DNER: variants seen among roughly 807,000 people sequenced by gnomAD.
DNER encodes the protein delta/notch like EGF repeat containing.
In DNER, 33 loss-of-function variants were observed where a neutral mutation model predicts 78.2. The observed-to-expected ratio is 0.42, with a 90% CI of 0.32 to 0.56. The LOEUF (loss-of-function observed/expected upper bound fraction) is 0.56. Among genes scored for constraint, DNER ranks in the 20% least tolerant of loss-of-function variants. The pLI is 0.11. For missense variants in DNER, 918 were observed against 975.3 expected, an observed-to-expected ratio of 0.94 and a Z score of 0.78; for synonymous variants, 417 against 384.8, an observed-to-expected ratio of 1.08 and a Z score of -0.98.
chr2:229,458,623 G>A (rs1187286268), intron 7 of DNER, among the ~76,000 whole-genome samples: 2 of 141,292 alleles, frequency 1.4e-5, no homozygotes, highest in Non-Finnish European at 3.0e-5. Context: ...AACACTTGCT[G>A]TATCTTTTAG....
intron 11 of DNER, among the ~76,000 whole-genome samples, chr2:229,382,469 T>C (rs1362832567): frequency 6.6e-6 from 1 of 152,036 alleles, no homozygotes; most frequent in Non-Finnish European, 1.5e-5. Context: ...CAAACTCCTC[T>C]GAGCTAAAGA....
At chr2:229,689,904 A>C (rs208791) in intron 1 of DNER, among the ~76,000 whole-genome samples, 1 of 152,096 alleles carries the variant, frequency 6.6e-6, no homozygotes, top group African/African-American at 2.4e-5. Flanking sequence ...CTCTAGCATA[A>C]CAACCTAGCA....
intron 8 of DNER, among the ~76,000 whole-genome samples, chr2:229,420,918 A>G (rs540293523): frequency 7.9e-5 from 12 of 152,196 alleles, no homozygotes; most frequent in South Asian, 4.1e-4. Context: ...ATTGCTGGGT[A>G]CTCAACCAAA....
intron 1 of DNER, among the ~76,000 whole-genome samples, chr2:229,632,258 G>A (rs1698444223): frequency 6.6e-6 from 1 of 152,146 alleles, no homozygotes; most frequent in African/African-American, 2.4e-5. Context: ...TAAGAAGCCT[G>A]CAAATTCAAA....
At chr2:229,674,063 C>T (rs933517536) in intron 1 of DNER, among the ~76,000 whole-genome samples, 1 of 152,212 alleles carries the variant, frequency 6.6e-6, no homozygotes, top group Non-Finnish European at 1.5e-5. Context: ...TATTGGTCTC[C>T]AGGTTCCAAG....
chr2:229,602,457 T>C lies in DNER; in HGVS notation c.277-10569A>G, dbSNP rs546657379. Among the ~76,000 whole-genome samples the C allele has an allele frequency of 2.6e-5, 4 of 152,296 alleles. No individual in the cohort carries two copies. In the East Asian group the frequency reaches 7.7e-4, roughly 29 times the overall value. Reference sequence around the variant, plus strand: ...AGGATGTTTGCTAATACCACTTCCATTGAGCACTGCACTAAAGGTCCTACA... The same window carrying C: ...AGGATGTTTGCTAATACCACTTCCACTGAGCACTGCACTAAAGGTCCTACA... On this transcript the variant is annotated intron_variant, in intron 1 of 12. Coordinates refer to ENST00000341772, the MANE Select transcript of DNER (RefSeq NM_139072.4).
intron 7 of DNER, among the ~76,000 whole-genome samples, chr2:229,472,459 T>G (rs1279839598): frequency 6.6e-6 from 1 of 152,138 alleles, no homozygotes; most frequent in African/African-American, 2.4e-5. Context: ...AAATTCCCAG[T>G]GGAAGGGAGA....
At chr2:229,609,184 C>T (rs1697999378) in intron 1 of DNER, among the ~76,000 whole-genome samples, 1 of 152,174 alleles carries the variant, frequency 6.6e-6, no homozygotes, top group Non-Finnish European at 1.5e-5. Flanking sequence ...GATCACGCCA[C>T]TGCACTCCAG....
intron 7 of DNER, among the ~76,000 whole-genome samples, chr2:229,460,595 T>G (rs1414521054): frequency 6.6e-6 from 1 of 152,080 alleles, no homozygotes; most frequent in Admixed American, 6.5e-5. Flanking sequence ...AAGAAACATC[T>G]GATGACATTA....
chr2:229,571,467 A>G (rs1194822318), intron 4 of DNER, among the ~76,000 whole-genome samples: 1 of 151,842 alleles, frequency 6.6e-6, no homozygotes. Flanking sequence ...ACATAGCTCA[A>G]CACTCGCGTT....
chr2:229,371,237 A>G (rs2106328180), intron 11 of DNER, among the ~76,000 whole-genome samples: 1 of 152,356 alleles, frequency 6.6e-6, no homozygotes, highest in South Asian at 2.1e-4. Flanking sequence ...TCTGAGAGAC[A>G]GCAAATTTAT....
chr2:229,438,001 G>A (rs932650054), intron 8 of DNER, among the ~76,000 whole-genome samples: 1 of 152,222 alleles, frequency 6.6e-6, no homozygotes, highest in South Asian at 2.1e-4. Flanking sequence ...TTTCTCATTT[G>A]AGTCACAGGA....
intron 1 of DNER, among the ~76,000 whole-genome samples, chr2:229,652,912 G>A (rs896545705): frequency 1.3e-5 from 2 of 152,168 alleles, no homozygotes; most frequent in African/African-American, 2.4e-5. Context: ...ATGGAGAGGC[G>A]GCGGCATGGG....
At chr2:229,491,487 T>C (rs1695398163) in intron 6 of DNER, among the ~76,000 whole-genome samples, 1 of 152,216 alleles carries the variant, frequency 6.6e-6, no homozygotes, top group Non-Finnish European at 1.5e-5. Context: ...ACAGGAATTT[T>C]AGGGAAACGC....
intron 7 of DNER, among the ~76,000 whole-genome samples, chr2:229,468,047 G>GGGA (rs1694840964): frequency 6.6e-6 from 1 of 152,210 alleles, no homozygotes; most frequent in African/African-American, 2.4e-5. Flanking sequence ...CAGTCCAGAG[G>GGGA]TACCCAGGAA....
intron 1 of DNER, among the ~76,000 whole-genome samples, chr2:229,697,748 C>T (rs912592560): frequency 6.6e-6 from 1 of 152,170 alleles, no homozygotes; most frequent in African/African-American, 2.4e-5. Flanking sequence ...TAGGAGTTTA[C>T]ACCAGGAGAC....
Position 229,499,169 on chromosome 2 carries a change from G to C in DNER, c.1147+13614C>G, listed in dbSNP as rs538327819. On this transcript the variant is annotated intron_variant, in intron 6 of 12. Coordinates refer to ENST00000341772, the MANE Select transcript of DNER (RefSeq NM_139072.4). Reference sequence around the variant, plus strand: ...GAACATAAAATGGGGAACAGGGCCAGGTGCAGTGGCTCACACCTGTAATCC... The same window carrying C: ...GAACATAAAATGGGGAACAGGGCCACGTGCAGTGGCTCACACCTGTAATCC... Among the ~76,000 whole-genome samples, 3 of 152,202 alleles carry C rather than the reference G, an allele frequency of 2.0e-5. No individual in the cohort carries two copies. In the South Asian group the frequency reaches 6.2e-4, roughly 32 times the overall value.
chr2:229,702,916 C>CAAAAA (rs775005338), intron 1 of DNER, among the ~76,000 whole-genome samples: 3 of 103,838 alleles, frequency 2.9e-5, no homozygotes, highest in Non-Finnish European at 5.5e-5. Context: ...GACTCCGCCT[C>CAAAAA]AAAAAAAAAA....
chr2:229,429,266 T>C (rs1559349402), intron 8 of DNER, among the ~76,000 whole-genome samples: 2 of 152,212 alleles, frequency 1.3e-5, no homozygotes, highest in Admixed American at 6.5e-5. Flanking sequence ...ATTAAGTACT[T>C]TTTGTAACTC....
Sources: allele counts gnomAD v4.1 joint callset (sites outside exome capture counted in the v4.1 genomes callset), GRCh38; gene constraint gnomAD v4.1.1; transcripts MANE v1.5; gene names NCBI Gene and HGNC (gene_info 2026-07-23, HGNC 2026-07-21).